The following ADAMTSL4 variants were observed in gnomAD, a reference collection of about 807,000 sequenced individuals.
The protein encoded by ADAMTSL4 is ADAMTS like 4.
ADAMTSL4 carries 97 observed loss-of-function variants against 122.8 expected under a neutral mutation model. The observed-to-expected ratio is 0.79, with a 90% CI of 0.67 to 0.93. ADAMTSL4 has a LOEUF of 0.93. ADAMTSL4 is among the 40% of genes least tolerant of loss of function. ADAMTSL4 has a pLI of 0.00. For synonymous variants in ADAMTSL4, 592 were observed against 568.0 expected (o/e 1.04, Z -0.60); for missense variants, 1,408 against 1,453.5 (o/e 0.97, Z 0.51).
In ADAMTSL4 at chr1:150,558,812, C is replaced by T. The variant is rs587730325; in HGVS notation, c.2560-150C>T. The T allele has an allele frequency of 1.8e-5, 27 of 1,541,714 alleles. No homozygotes were observed. The South Asian group carries it at 2.0e-4, about 11-fold the overall frequency. Reference sequence around the variant, plus strand: ...GTGAGAACAACTTCCATGAGGGGCCCGGCTAGGATTCCTCGTCCGGGCCTG... The same window carrying T: ...GTGAGAACAACTTCCATGAGGGGCCTGGCTAGGATTCCTCGTCCGGGCCTG... On this transcript the variant is annotated intron_variant, in intron 15 of 18. Transcript: ENST00000271643.
At chr1:150,558,304 A>C (rs1244019986) in intron 14 of ADAMTSL4, 155 bp downstream of exon 14, 20 of 1,511,070 alleles carry the variant, frequency 1.3e-5, no homozygotes, top group Non-Finnish European at 1.8e-5. Flanking sequence ...GGACTGAACC[A>C]GGGACTGGGG....
intron 5 of ADAMTSL4, 71 bp downstream of exon 5, chr1:150,553,324 G>A (rs760693665): frequency 2.0e-5 from 32 of 1,604,448 alleles, no homozygotes; most frequent in Middle Eastern, 1.7e-4. Context: ...AGGGGAGCAC[G>A]GGTGGCTTCA....
In ADAMTSL4 at chr1:150,560,143, T is replaced by C. The variant is rs1377783362; in HGVS notation, c.3172T>C (p.Cys1058Arg). 6.2e-7 allele frequency: 1 copy of C among 1,613,978 alleles called. No individual in the cohort carries two copies. ...CGTCTACCCCTACTACACAGCCACC[T>C]GTTGCCGCTCTTGCGCACATGTCCT... ...LCVYPYYTAT[C>R]CRSCAHVLER... Residue 1058 changes from cysteine to arginine, a missense_variant, in exon 19 of 19, where the codon TGT becomes CGT. Transcript: ENST00000271643.
chr1:150,556,907 C>A lies in ADAMTSL4; in HGVS notation c.1750-32C>A. On this transcript the variant is annotated intron_variant, in intron 10 of 18. Coordinates refer to ENST00000271643, the MANE Select transcript of ADAMTSL4 (RefSeq NM_019032.6). This position sits in a 1 kb window ranked among gnomAD's most constrained non-coding sequence, Gnocchi z 4.1. ...CTGGTGGCATCCTCTTCTGGCCACCCCCACATATTCATTATCTTCTCTTCT... is the reference window on the plus strand; with the variant it reads ...CTGGTGGCATCCTCTTCTGGCCACCACCACATATTCATTATCTTCTCTTCT... 1 of 1,608,854 alleles carries A rather than the reference C, an allele frequency of 6.2e-7. No individual in the cohort carries two copies. Among genetic ancestry groups the A allele is most frequent in the Non-Finnish European group, 8.5e-7 (1 of 1,175,286 alleles).
chr1:150,552,894 A>G lies in ADAMTSL4; in HGVS notation c.79-4A>G, dbSNP rs1671569609. Reference sequence around the variant, plus strand: ...AATTCTGTCTGACCTTTTTCTCTATATAGGTGTTGTCCGGACACTCTCTTC... The same window carrying G: ...AATTCTGTCTGACCTTTTTCTCTATGTAGGTGTTGTCCGGACACTCTCTTC... On this transcript the variant is annotated splice_region_variant and splice_polypyrimidine_tract_variant and intron_variant, in intron 4 of 18. Transcript: ENST00000271643. The surrounding 1 kb of genome is among the most constrained non-coding windows in gnomAD (Gnocchi z 4.0). 4 of 1,611,188 alleles carry G rather than the reference A, an allele frequency of 2.5e-6. 1 individual carries two copies. In the East Asian group the frequency reaches 6.7e-5, roughly 27 times the overall value.
intron 8 of ADAMTSL4, 24 bp downstream of exon 8, chr1:150,555,589 G>GCA: frequency 6.2e-7 from 1 of 1,601,730 alleles, no homozygotes; most frequent in Non-Finnish European, 8.5e-7. Flanking sequence ...GTGTGTGTGT[G>GCA]CACACACACA....
At position 150,554,238 on chromosome 1, in the gene ADAMTSL4, C is replaced by A. The variant is rs1445993310; in HGVS notation, c.1131+116C>A. 1.5e-5 allele frequency: 21 copies of A among 1,444,474 alleles called. No homozygotes were observed. The East Asian group carries it at 4.3e-4, about 30-fold the overall frequency. The allele number at this position is 1,444,474 out of a possible 1,614,324, so 89.5% of individuals were successfully genotyped here. ...GAGGGAGAAGGGCCTTGGCATCTGA[C>A]CACCTCAGGGCAGGGGTCTTGGAGC... On this transcript the variant is annotated intron_variant, in intron 6 of 18. Coordinates refer to ENST00000271643, the MANE Select transcript of ADAMTSL4 (RefSeq NM_019032.6). This position sits in a 1 kb window ranked among gnomAD's most constrained non-coding sequence, Gnocchi z 4.0.
Position 150,554,024 on chromosome 1 carries a change from G to A in ADAMTSL4, c.1033G>A (p.Gly345Ser), listed in dbSNP as rs587608856. 71 of 1,611,248 alleles carry A rather than the reference G, an allele frequency of 4.4e-5. No individual in the cohort carries two copies. The highest frequency in any genetic ancestry group is 2.9e-4 in the East Asian group (13 of 44,870). ...CGCCTGGCTGCCCCTGCTGAGCAAC[G>A]GCCCCCATGCCAGCTCCCTCTGGAG... ...PGAWLPLLSN[G>S]PHASSLWSLF... Residue 345 changes from glycine to serine, a missense_variant, in exon 6 of 19, where the codon GGC becomes AGC. Coordinates refer to ENST00000271643, the MANE Select transcript of ADAMTSL4 (RefSeq NM_019032.6). This position sits in a 1 kb window ranked among gnomAD's most constrained non-coding sequence, Gnocchi z 4.0.
chr1:150,553,528 C>G lies in ADAMTSL4; in HGVS notation c.537C>G (p.Pro179=). The G allele has an allele frequency of 6.2e-7, 1 of 1,613,946 alleles. No homozygotes were observed. Among genetic ancestry groups the G allele is most frequent in the Non-Finnish European group, 8.5e-7 (1 of 1,179,974 alleles). The change falls in exon 6 of 19, where the codon CCC becomes CCG. Residue 179 remains proline, a synonymous_variant. Coordinates refer to ENST00000271643, the MANE Select transcript of ADAMTSL4 (RefSeq NM_019032.6). ...ACCGCAGGCACCCTCGGAGCCCACCCAGATCTGAGCTGTCCCTGATCTCTT... is the reference window on the plus strand; with the variant it reads ...ACCGCAGGCACCCTCGGAGCCCACCGAGATCTGAGCTGTCCCTGATCTCTT... ...HRNRRHPRSP[P]RSELSLISSR...
chr1:150,555,806 AACACATGCACACACACGTATGCAG>A (rs925415859), intron 8 of ADAMTSL4: 7 of 633,942 alleles, frequency 1.1e-5, no homozygotes, highest in Non-Finnish European at 2.0e-5. Flanking sequence ...CACGTGCATG[AACACATGCACACACACGTATGCAG>A]ACACATGCAC....
Position 150,553,834 on chromosome 1 carries a change from AC to A in ADAMTSL4, c.844del (p.Arg282GlufsTer13). On this transcript the variant is annotated frameshift_variant, in exon 6 of 19. Coordinates refer to ENST00000271643, the MANE Select transcript of ADAMTSL4 (RefSeq NM_019032.6). LOFTEE classifies it high-confidence loss of function. ...GGFFRASPQP[R>X]RPSSQGWASP... ...GCTTCTTCCGTGCATCCCCTCAGCC[AC>A]GAAGGCCAAGTTCCCAGGGTTGGGC... The A allele has an allele frequency of 6.2e-7, 1 of 1,613,960 alleles. No individual in the cohort carries two copies.
At position 150,560,629 on chromosome 1, in the gene ADAMTSL4, A is replaced by G. The variant is rs1221592568; in HGVS notation, c.*433A>G. ...CCTAAGCCTCATTTCTCATGTTCAG[A>G]CCTCACATCTTCTAAGCCGCCCTGT... On this transcript the variant is annotated 3_prime_UTR_variant, in exon 19 of 19. Coordinates refer to ENST00000271643, the MANE Select transcript of ADAMTSL4 (RefSeq NM_019032.6). The G allele has an allele frequency of 4.6e-6, 1 of 218,626 alleles. No homozygotes were observed. Among genetic ancestry groups the G allele is most frequent in the Non-Finnish European group, 9.4e-6 (1 of 106,722 alleles). The allele number at this position is 218,626 out of a possible 1,614,324, so 13.5% of individuals were successfully genotyped here. A position where few individuals can be genotyped will look rare whatever the true frequency, so the allele number is the denominator to read the frequency against.
At chr1:150,558,695 G>A in intron 15 of ADAMTSL4, 46 bp downstream of exon 15, 1 of 1,613,460 alleles carries the variant, frequency 6.2e-7, no homozygotes, top group Non-Finnish European at 8.5e-7. Context: ...GGGTAACCAC[G>A]CCCAGGACAC....
At position 150,556,314 on chromosome 1, in the gene ADAMTSL4, G is replaced by A. The variant is rs781191291; in HGVS notation, c.1524G>A (p.Ala508=). ...ATCAGAAGATCTTGTGGATTCCAGC[G>A]GGAGCCTTGCGGCTCCAGATTGCCC... ...LGYQKILWIP[A]GALRLQIAQL... Residue 508 remains alanine (A), a synonymous_variant, in exon 9 of 19, where the codon GCG becomes GCA. Transcript: ENST00000271643. The surrounding 1 kb of genome is among the most constrained non-coding windows in gnomAD (Gnocchi z 4.1). 11 of 1,613,968 alleles carry A rather than the reference G, an allele frequency of 6.8e-6. No homozygotes were observed. The African/African-American group carries it at 1.1e-4, about 16-fold the overall frequency.
At position 150,560,674 on chromosome 1, in the gene ADAMTSL4, T is replaced by G; in HGVS notation, c.*478T>G. On this transcript the variant is annotated 3_prime_UTR_variant, in exon 19 of 19. Coordinates refer to ENST00000271643, the MANE Select transcript of ADAMTSL4 (RefSeq NM_019032.6). Reference sequence around the variant, plus strand: ...CCCTGTGTCTCTGACCCCTTCTCATTTGCCTAGTATCTCTGCCCCTGCCTC... The same window carrying G: ...CCCTGTGTCTCTGACCCCTTCTCATGTGCCTAGTATCTCTGCCCCTGCCTC... 5.5e-6 allele frequency: 1 copy of G among 181,138 alleles called. No homozygotes were observed. The highest frequency in any genetic ancestry group is 1.2e-5 in the Non-Finnish European group (1 of 83,638). The allele number at this position is 181,138 out of a possible 1,614,324, so 11.2% of individuals were successfully genotyped here. A position where few individuals can be genotyped will look rare whatever the true frequency, so the allele number is the denominator to read the frequency against.
Position 150,553,935 on chromosome 1 carries a change from G to A in ADAMTSL4, c.944G>A (p.Gly315Glu), listed in dbSNP as rs2101584133. ...CGGGGCCGAGGCCAGCAGGGCCAAG[G>A]GCCTTGGGGAACGGGGGGGACTCCT... ...VPRGRGQQGQGPWGTGGTPHG... is the reference protein window; with the variant it reads ...VPRGRGQQGQEPWGTGGTPHG... The change falls in exon 6 of 19, where the codon GGG becomes GAG. Residue 315 changes from glycine (G) to glutamate (E), a missense_variant. Gly to Glu is a moderately conservative substitution (Grantham distance 98). Coordinates refer to ENST00000271643, the MANE Select transcript of ADAMTSL4 (RefSeq NM_019032.6). 2 of 1,610,926 alleles carry A rather than the reference G, an allele frequency of 1.2e-6. No individual in the cohort carries two copies. Among genetic ancestry groups the A allele is most frequent in the Middle Eastern group, 1.7e-4 (1 of 6,056 alleles).
In ADAMTSL4 at chr1:150,552,604, A is replaced by G; in HGVS notation, c.78+4A>G. ...TCAGCTCTGCTTGGATCAGGAGGTG[A>G]GTTCTGGACAAGTGAGCAGCTGCAG... is the stretch of plus-strand genomic sequence containing the variant. On this transcript the variant is annotated splice_donor_region_variant and intron_variant, in intron 4 of 18. Coordinates refer to ENST00000271643, the MANE Select transcript of ADAMTSL4 (RefSeq NM_019032.6). The surrounding 1 kb of genome is among the most constrained non-coding windows in gnomAD (Gnocchi z 4.0). The G allele has an allele frequency of 8.7e-6, 14 of 1,613,064 alleles. No homozygotes were observed. The highest frequency in any genetic ancestry group is 1.1e-5 in the Non-Finnish European group (13 of 1,179,768).
At position 150,557,615 on chromosome 1, in the gene ADAMTSL4, C is replaced by T. The variant is rs1434574389; in HGVS notation, c.2169C>T (p.Cys723=). 1.3e-6 allele frequency: 2 copies of T among 1,599,140 alleles called. No individual in the cohort carries two copies. The highest frequency in any genetic ancestry group is 1.7e-6 in the Non-Finnish European group (2 of 1,173,278). ...ASPEPCHGTP[C]PPYWEAGEWT... Reference sequence around the variant, plus strand: ...CTGAACCCTGCCACGGCACCCCATGCCCCCCATAGTGAGTATGGGGGAGCC... The same window carrying T: ...CTGAACCCTGCCACGGCACCCCATGTCCCCCATAGTGAGTATGGGGGAGCC... Residue 723 remains cysteine, a synonymous_variant, in exon 13 of 19, where the codon TGC becomes TGT. Transcript: ENST00000271643.
In ADAMTSL4 at chr1:150,555,603, A is replaced by G. The variant is rs770386415; in HGVS notation, c.1371+38A>G. ...AGTGTGTGTGTGCACACACACATGC[A>G]TATGCACACAGACACATGCCCCCAT... is the stretch of plus-strand genomic sequence containing the variant. On this transcript the variant is annotated intron_variant, in intron 8 of 18. Coordinates refer to ENST00000271643, the MANE Select transcript of ADAMTSL4 (RefSeq NM_019032.6). 38 of 1,548,956 alleles carry G rather than the reference A, an allele frequency of 2.5e-5. 1 individual carries two copies. The East Asian group carries it at 8.7e-4, about 35-fold the overall frequency.
Sources: gnomAD v4.1 joint callset for allele counts on GRCh38, gnomAD v4.1.1 for gene constraint, Gnocchi (gnomAD v3.1) non-coding constraint, MANE v1.5 for transcripts, NCBI Gene and HGNC (gene_info 2026-07-23, HGNC 2026-07-21) for gene names.